Variants in STT3B observed in about 807,000 individuals in gnomAD.
STT3B encodes STT3 oligosaccharyltransferase complex catalytic subunit B.
Under a neutral mutation model 96.8 loss-of-function variants are expected in STT3B, and 29 were observed. The observed-to-expected ratio is 0.30, with a 90% confidence interval of 0.22 to 0.41. The LOEUF is 0.41. Among genes scored for constraint, STT3B ranks in the 10% least tolerant of loss-of-function variants. The pLI, the probability that STT3B is intolerant of heterozygous loss-of-function variation, is 1.00. For missense variants in STT3B, 640 were observed against 1,022.3 expected, an observed-to-expected ratio of 0.63 and a Z score of 5.10; for synonymous variants, 367 against 360.0, an observed-to-expected ratio of 1.02 and a Z score of -0.22.
At chr3:31,599,545 G>A (rs1394302973) in intron 4 of STT3B, among the ~76,000 whole-genome samples, 1 of 152,152 alleles carries the variant, frequency 6.6e-6, no homozygotes, top group East Asian at 1.9e-4. Context: ...CGTAAGAGAA[G>A]CATTATTGGA....
intron 1 of STT3B, among the ~76,000 whole-genome samples, chr3:31,556,023 A>G (rs781359374): frequency 6.6e-6 from 1 of 151,970 alleles, no homozygotes; most frequent in Non-Finnish European, 1.5e-5. Context: ...TTTTGTACCC[A>G]TTGACCAATC....
chr3:31,584,842 CTT>C (rs1467824039), intron 3 of STT3B, among the ~76,000 whole-genome samples: 5 of 152,064 alleles, frequency 3.3e-5, no homozygotes, highest in African/African-American at 1.2e-4. Context: ...TCAGTTTTCT[CTT>C]AAGATACAGA....
chr3:31,602,760 A>G (rs943667866), intron 5 of STT3B, among the ~76,000 whole-genome samples: 3 of 151,390 alleles, frequency 2.0e-5, no homozygotes, highest in African/African-American at 7.3e-5. Flanking sequence ...GAATAATAAA[A>G]TGGGTTAGGG....
chr3:31,595,822 G>A (rs773673782), intron 3 of STT3B, among the ~76,000 whole-genome samples: 9 of 152,202 alleles, frequency 5.9e-5, no homozygotes, highest in Non-Finnish European at 1.0e-4. Flanking sequence ...TGGATGCCTT[G>A]CATCTTTCCT....
intron 1 of STT3B, among the ~76,000 whole-genome samples, chr3:31,534,765 G>A (rs1229857630): frequency 6.6e-6 from 1 of 152,144 alleles, no homozygotes; most frequent in Non-Finnish European, 1.5e-5. Context: ...TCCATGAAAT[G>A]TTTTCATTCC....
intron 13 of STT3B, among the ~76,000 whole-genome samples, chr3:31,628,495 G>A (rs116110478): frequency 0.024 from 3,642 of 152,140 alleles, 57 homozygotes; most frequent in Non-Finnish European, 0.036. Flanking sequence ...ATAACTTTCT[G>A]CATTCATTAT....
At chr3:31,590,148 A>T (rs1381802587) in intron 3 of STT3B, among the ~76,000 whole-genome samples, 2 of 151,942 alleles carry the variant, frequency 1.3e-5, no homozygotes, top group Admixed American at 1.3e-4. Flanking sequence ...ATATTTCTTT[A>T]TAAGTCTTTG....
chr3:31,565,763 A>G lies in STT3B; in HGVS notation c.315-10633A>G, dbSNP rs1697989858. Among the ~76,000 whole-genome samples the G allele has an allele frequency of 3.3e-5, 5 of 152,308 alleles. No homozygotes were observed. The South Asian group carries it at 1.0e-3, about 32-fold the overall frequency. ...TGTTACTGGTCAAGCAGTACTTAAT[A>G]AAGGTTTCTGGCCATGATTTTTTAA... On this transcript the variant is annotated intron_variant, in intron 1 of 15. Coordinates refer to ENST00000295770, the MANE Select transcript of STT3B (RefSeq NM_178862.3).
In STT3B at chr3:31,629,214, C is replaced by G. The variant is rs901217492; in HGVS notation, c.2074-84C>G. On this transcript the variant is annotated intron_variant, in intron 13 of 15. Transcript: ENST00000295770. ...TATAAAGATACCTCAGAAGCTTATTCTTACAGGGAAATGAAAAGAGGAAAC... is the reference window on the plus strand; with the variant it reads ...TATAAAGATACCTCAGAAGCTTATTGTTACAGGGAAATGAAAAGAGGAAAC... 5.1e-6 allele frequency: 4 copies of G among 785,262 alleles called. No homozygotes were observed. In the African/African-American group the frequency reaches 7.1e-5, roughly 14 times the overall value. 48.6% of individuals were successfully genotyped at this position (785,262 alleles called of 1,614,324 possible). A position where few individuals can be genotyped will look rare whatever the true frequency, so the allele number is the denominator to read the frequency against.
chr3:31,580,021 A>G lies in STT3B; in HGVS notation c.636A>G (p.Ile212Met). 3 of 1,613,866 alleles carry G rather than the reference A, an allele frequency of 1.9e-6. No homozygotes were observed. Among genetic ancestry groups the G allele is most frequent in the Non-Finnish European group, 2.5e-6 (3 of 1,179,794 alleles). Reference sequence around the variant, plus strand: ...TTATTGCTATTGTACCAGGCTACATATCTCGGTCAGTAGCTGGATCCTTTG... The same window carrying G: ...TTATTGCTATTGTACCAGGCTACATGTCTCGGTCAGTAGCTGGATCCTTTG... ...ACFIAIVPGY[I>M]SRSVAGSFDN... Residue 212 changes from isoleucine to methionine, a missense_variant, in exon 3 of 16, where the codon ATA becomes ATG. Ile to Met is a conservative substitution (Grantham distance 10). Around this residue, in one of 8 missense-constraint regions of STT3B, gnomAD observed 267 missense variants for 388.3 expected, o/e 0.69. Coordinates refer to ENST00000295770, the MANE Select transcript of STT3B (RefSeq NM_178862.3).
chr3:31,585,573 TTTTTG>T (rs770844665), intron 3 of STT3B, among the ~76,000 whole-genome samples: 4 of 147,816 alleles, frequency 2.7e-5, no homozygotes, highest in Non-Finnish European at 5.9e-5. Flanking sequence ...TTTGTTTTGT[TTTTTG>T]TTTTGTTTTG....
rs372292146 is a variant in STT3B, at chr3:31,609,767, G to A, written c.878-5338G>A. On this transcript the variant is annotated intron_variant, in intron 5 of 15. Transcript: ENST00000295770. The stretch of plus-strand genomic sequence containing the variant: ...GTGCCACCACACCTGGCTAATTTTT[G>A]TATTTTTAGTGGAGATGGGGTTTCA... 1.3e-3 allele frequency among the ~76,000 whole-genome samples: 202 copies of A among 152,094 alleles called. 7 individuals carry two copies. In the South Asian group the frequency reaches 0.04, roughly 30 times the overall value.
intron 1 of STT3B, among the ~76,000 whole-genome samples, chr3:31,547,002 A>C (rs1022630053): frequency 2.6e-5 from 4 of 152,222 alleles, no homozygotes; most frequent in Non-Finnish European, 5.9e-5. Context: ...TGCTCAACCT[A>C]CCTGTTGTAC....
At chr3:31,556,701 A>G (rs1466431005) in intron 1 of STT3B, among the ~76,000 whole-genome samples, 1 of 152,188 alleles carries the variant, frequency 6.6e-6, no homozygotes, top group Non-Finnish European at 1.5e-5. Context: ...TCTTCTTTTG[A>G]GAAATATCTG....
At chr3:31,544,548 T>A (rs746994057) in intron 1 of STT3B, among the ~76,000 whole-genome samples, 1 of 152,240 alleles carries the variant, frequency 6.6e-6, no homozygotes, top group Non-Finnish European at 1.5e-5. Flanking sequence ...TATGCTGTAA[T>A]GATCTCACAA....
At chr3:31,596,968 T>G in intron 4 of STT3B, 105 bp downstream of exon 4, 1 of 845,664 alleles carries the variant, frequency 1.2e-6, no homozygotes, top group Non-Finnish European at 1.9e-6. Flanking sequence ...TTTAATGTAA[T>G]CTTTCATTAC....
chr3:31,622,612 G>A (rs1352427766), intron 10 of STT3B, among the ~76,000 whole-genome samples: 1 of 152,104 alleles, frequency 6.6e-6, no homozygotes, highest in Non-Finnish European at 1.5e-5. Flanking sequence ...ACTTTATGCT[G>A]TACTAAATTA....
At chr3:31,570,364 CAACA>C (rs1275889593) in intron 1 of STT3B, among the ~76,000 whole-genome samples, 2 of 152,032 alleles carry the variant, frequency 1.3e-5, no homozygotes, top group Non-Finnish European at 2.9e-5. Flanking sequence ...GTAGAGGTTT[CAACA>C]TGTTTTAAGA....
intron 1 of STT3B, among the ~76,000 whole-genome samples, chr3:31,573,293 A>G (rs1698199113): frequency 6.6e-6 from 1 of 152,170 alleles, no homozygotes; most frequent in South Asian, 2.1e-4. Context: ...GAGAGTTGCA[A>G]TATGATCACA....
Sources: gnomAD v4.1 joint callset for allele counts (sites outside exome capture counted in the v4.1 genomes callset) on GRCh38, gnomAD v4.1.1 for gene constraint, gnomAD v4.1.1 regional missense constraint, MANE v1.5 for transcripts, NCBI Gene and HGNC (gene_info 2026-07-23, HGNC 2026-07-21) for gene names.